The following ZNF423 variants were observed in gnomAD, a reference collection of about 807,000 sequenced individuals.
ZNF423 encodes the protein zinc finger protein 423.
In ZNF423, 12 loss-of-function variants were observed where a neutral mutation model predicts 95.8. The ratio of observed to expected loss-of-function variants is 0.13; its 90% CI spans 0.08 to 0.20. The LOEUF (loss-of-function observed/expected upper bound fraction) is 0.20, where lower values mean the gene tolerates loss of function less well. Among genes scored for constraint, ZNF423 ranks in the 10% least tolerant of loss-of-function variants. The probability of loss-of-function intolerance (pLI) is 1.00; values close to 1 mark genes in which losing one functional copy is unlikely to be tolerated. For missense variants in ZNF423, 1,316 were observed against 1,737.1 expected (o/e 0.76, Z 4.31); for synonymous variants, 749 against 711.9 (o/e 1.05, Z -0.83).
At chr16:49,736,438 T>G (rs947512598) in intron 2 of ZNF423, among the ~76,000 whole-genome samples, 1 of 152,062 alleles carries the variant, frequency 6.6e-6, no homozygotes, top group African/African-American at 2.4e-5. Flanking sequence ...GATATGGACT[T>G]GGGGGACATT....
intron 5 of ZNF423, among the ~76,000 whole-genome samples, chr16:49,555,155 A>G (rs1969778309): frequency 1.3e-5 from 2 of 152,300 alleles, no homozygotes; most frequent in African/African-American, 4.8e-5. Context: ...TTTTCCCCCT[A>G]AAACAAAAAT....
At chr16:49,776,875 G>A (rs769564993) in intron 2 of ZNF423, among the ~76,000 whole-genome samples, 8 of 152,224 alleles carry the variant, frequency 5.3e-5, no homozygotes, top group African/African-American at 1.9e-4. Flanking sequence ...TGAACACCCC[G>A]CCTGGGCACT....
upstream of ZNF423, among the ~76,000 whole-genome samples, chr16:49,856,872 A>G (rs1403027325): frequency 6.8e-6 from 1 of 147,226 alleles, no homozygotes; most frequent in Non-Finnish European, 1.5e-5. Context: ...AGGGGCTCGG[A>G]GAGGGGGGAG....
At chr16:49,627,879 AC>A (rs1972354758) in intron 4 of ZNF423, among the ~76,000 whole-genome samples, 1 of 147,348 alleles carries the variant, frequency 6.8e-6, no homozygotes, top group Admixed American at 6.7e-5. Flanking sequence ...TCCTCCATCT[AC>A]CCATCCATCC....
chr16:49,748,725 G>A (rs1261272150), intron 2 of ZNF423, among the ~76,000 whole-genome samples: 1 of 152,188 alleles, frequency 6.6e-6, no homozygotes, highest in Non-Finnish European at 1.5e-5. Context: ...GGGATGGGAG[G>A]ATGGGAAAGT....
chr16:49,832,724 G>A (rs2035073911), intron 1 of ZNF423, among the ~76,000 whole-genome samples: 1 of 152,056 alleles, frequency 6.6e-6, no homozygotes, highest in Non-Finnish European at 1.5e-5. Flanking sequence ...ATTCCCCAGG[G>A]GCCAGGCAGG....
chr16:49,737,890 G>A (rs866991692), intron 2 of ZNF423, among the ~76,000 whole-genome samples: 1 of 152,144 alleles, frequency 6.6e-6, no homozygotes, highest in African/African-American at 2.4e-5. Context: ...TCGTGTCCCG[G>A]GAGTCAGCTA....
At chr16:49,785,634 G>A (rs1281936797) in intron 2 of ZNF423, among the ~76,000 whole-genome samples, 5 of 152,130 alleles carry the variant, frequency 3.3e-5, no homozygotes, top group African/African-American at 1.2e-4. Context: ...GGCAACTCTG[G>A]ACCCAGCCAG....
At chr16:49,526,703 G>A (rs1432105072) in intron 5 of ZNF423, among the ~76,000 whole-genome samples, 1 of 152,182 alleles carries the variant, frequency 6.6e-6, no homozygotes, top group Non-Finnish European at 1.5e-5. Context: ...TCCCCTTACT[G>A]GGTGATCTTA....
chr16:49,509,977 C>T (rs1213595296), intron 7 of ZNF423, among the ~76,000 whole-genome samples: 1 of 152,224 alleles, frequency 6.6e-6, no homozygotes, highest in Non-Finnish European at 1.5e-5. Context: ...GGTGGTGGTG[C>T]TACCATCGTC....
At chr16:49,723,055 A>C (rs1414232400) in intron 3 of ZNF423, among the ~76,000 whole-genome samples, 1 of 147,552 alleles carries the variant, frequency 6.8e-6, no homozygotes, top group Non-Finnish European at 1.5e-5. Flanking sequence ...TCCTGGGTTC[A>C]TGCCATTCTC....
intron 2 of ZNF423, among the ~76,000 whole-genome samples, chr16:49,740,523 ACT>A (rs2033393371): frequency 1.3e-5 from 2 of 152,160 alleles, no homozygotes; most frequent in Non-Finnish European, 2.9e-5. Context: ...AACATTTAAC[ACT>A]CAGCCTAAAG....
At chr16:49,615,130 T>TCACACACACACACACACACACACACACA (rs61428028) in intron 5 of ZNF423, among the ~76,000 whole-genome samples, 7 of 141,154 alleles carry the variant, frequency 5.0e-5, no homozygotes, top group African/African-American at 1.6e-4. Flanking sequence ...AAACTCCATC[T>TCACACACACACACACACACACACACACA]CACACACACA....
chr16:49,755,741 C>T (rs906140122), intron 2 of ZNF423, among the ~76,000 whole-genome samples: 1 of 152,164 alleles, frequency 6.6e-6, no homozygotes, highest in African/African-American at 2.4e-5. Flanking sequence ...AATAATTAGC[C>T]ATTCTTAGAG....
At chr16:49,518,957 A>T (rs1269612709) in intron 7 of ZNF423, among the ~76,000 whole-genome samples, 1 of 152,214 alleles carries the variant, frequency 6.6e-6, no homozygotes, top group Non-Finnish European at 1.5e-5. Flanking sequence ...CCAGCCACTC[A>T]GGAAGCTGAG....
chr16:49,682,912 G>A (rs964712913), intron 3 of ZNF423, among the ~76,000 whole-genome samples: 1 of 152,078 alleles, frequency 6.6e-6, no homozygotes, highest in Non-Finnish European at 1.5e-5. Flanking sequence ...TCTAGGAGAC[G>A]CCCCTACCAC....
rs1448648476 is a variant in ZNF423, at chr16:49,815,866, CAAACAAAAAA to C, written c.41-26330_41-26321del. ...TTAAGTGTTACATTCTAATTCCAAACAAACAAAAAAAAAAAATATATATATATATATATAT... is the reference window on the plus strand; with the variant it reads ...TTAAGTGTTACATTCTAATTCCAAACAAAAAATATATATATATATATATAT... On this transcript the variant is annotated intron_variant, in intron 1 of 7. Coordinates refer to ENST00000563137, the MANE Select transcript of ZNF423 (RefSeq NM_001379286.1). Among the ~76,000 whole-genome samples, 9 of 57,914 alleles carry C rather than the reference CAAACAAAAAA, an allele frequency of 1.6e-4. No individual in the cohort carries two copies. The East Asian group carries it at 2.7e-3, about 17-fold the overall frequency. 38.0% of individuals were successfully genotyped at this position (57,914 alleles called of 152,430 possible).
Position 49,491,199 on chromosome 16 carries a change from A to C in ZNF423, c.*76T>G. On this transcript the variant is annotated 3_prime_UTR_variant, in exon 8 of 8. Coordinates refer to ENST00000563137, the MANE Select transcript of ZNF423 (RefSeq NM_001379286.1). Reference sequence around the variant, plus strand: ...GGGTTGCAAATGACACTTTGATTGGATGTAATGTTCAAATGGCCCTCCCCA... The same window carrying C: ...GGGTTGCAAATGACACTTTGATTGGCTGTAATGTTCAAATGGCCCTCCCCA... 6.3e-7 allele frequency: 1 copy of C among 1,575,236 alleles called. No individual in the cohort carries two copies. Among genetic ancestry groups the C allele is most frequent in the Non-Finnish European group, 8.7e-7 (1 of 1,145,160 alleles).
At chr16:49,835,897 C>G (rs993109555) in intron 1 of ZNF423, among the ~76,000 whole-genome samples, 1 of 152,148 alleles carries the variant, frequency 6.6e-6, no homozygotes, top group Non-Finnish European at 1.5e-5. Flanking sequence ...ACTTAAGCCC[C>G]GGGGAAAATG....
Sources: gnomAD v4.1 joint callset for allele counts (sites outside exome capture counted in the v4.1 genomes callset) on GRCh38, gnomAD v4.1.1 for gene constraint, MANE v1.5 for transcripts, NCBI Gene and HGNC (gene_info 2026-07-23, HGNC 2026-07-21) for gene names.